The following LSAMP variants were observed in gnomAD, a reference collection of about 807,000 sequenced individuals.
The protein encoded by LSAMP is limbic system-associated membrane protein.
LSAMP carries 7 observed loss-of-function variants against 38.6 expected under a neutral mutation model. The ratio of observed to expected loss-of-function variants is 0.18; its 90% CI spans 0.10 to 0.34. LSAMP has a LOEUF of 0.34. Ranked by LOEUF, LSAMP falls within the 10% of genes least tolerant of loss-of-function variation. The probability of loss-of-function intolerance (pLI) is 1.00; values close to 1 mark genes in which losing one functional copy is unlikely to be tolerated. For missense variants in LSAMP, 313 were observed against 420.0 expected (o/e 0.75, Z 2.23); for synonymous variants, 154 against 166.8 (o/e 0.92, Z 0.59).
chr3:116,408,272 A>G (rs1235749240), intron 1 of LSAMP, among the ~76,000 whole-genome samples: 1 of 152,120 alleles, frequency 6.6e-6, no homozygotes, highest in African/African-American at 2.4e-5. Flanking sequence ...ATAAATGGAT[A>G]GATGAGACAT....
chr3:116,249,064 G>A (rs1021401952), intron 1 of LSAMP, among the ~76,000 whole-genome samples: 5 of 151,594 alleles, frequency 3.3e-5, no homozygotes, highest in African/African-American at 1.2e-4. Flanking sequence ...CAGGAGAATG[G>A]CGTGAACCCA....
At chr3:116,057,953 A>C (rs1339262158) in intron 2 of LSAMP, among the ~76,000 whole-genome samples, 1 of 108,450 alleles carries the variant, frequency 9.2e-6, no homozygotes, top group East Asian at 2.4e-4. Flanking sequence ...ACACACACAC[A>C]CACCCACACA....
intron 1 of LSAMP, among the ~76,000 whole-genome samples, chr3:116,142,787 A>T (rs1709398894): frequency 6.6e-6 from 1 of 151,886 alleles, no homozygotes; most frequent in South Asian, 2.1e-4. Context: ...GTTTCATCTG[A>T]ATAACAACAA....
At position 116,086,519 on chromosome 3, in the gene LSAMP, A is replaced by G. The variant is rs2107421785; in HGVS notation, c.193T>C (p.Leu65=). The G allele has an allele frequency of 1.9e-6, 3 of 1,614,164 alleles. No individual in the cohort carries two copies. The highest frequency in any genetic ancestry group is 2.5e-6 in the Non-Finnish European group (3 of 1,180,022). ...VEDKNSKVAW[L]NRSGIIFAGH... ...GCAAAAATGATGCCAGAACGGTTCA[A>G]CCAGGCCACCTTTGAGTTCTTGTCT... Residue 65 remains leucine (L), a synonymous_variant, in exon 2 of 7, where the codon TTG becomes CTG. Coordinates refer to ENST00000490035, the MANE Select transcript of LSAMP (RefSeq NM_002338.5).
At chr3:115,864,048 G>A (rs1935788267) in intron 3 of LSAMP, among the ~76,000 whole-genome samples, 1 of 152,102 alleles carries the variant, frequency 6.6e-6, no homozygotes, top group Non-Finnish European at 1.5e-5. Context: ...CCTACCTCCT[G>A]TACTGTTCAA....
At chr3:116,235,795 T>C (rs1359969191) in intron 1 of LSAMP, among the ~76,000 whole-genome samples, 1 of 152,200 alleles carries the variant, frequency 6.6e-6, no homozygotes, top group Non-Finnish European at 1.5e-5. Context: ...ACTTCTATAT[T>C]CTGTTCTTAC....
chr3:116,105,437 T>A (rs868337396), intron 1 of LSAMP, among the ~76,000 whole-genome samples: 3 of 151,930 alleles, frequency 2.0e-5, no homozygotes, highest in African/African-American at 7.3e-5. Flanking sequence ...TGGGTGCAGG[T>A]GGGCTGAGTC....
At chr3:115,965,554 T>C (rs1016095536) in intron 3 of LSAMP, among the ~76,000 whole-genome samples, 1 of 149,620 alleles carries the variant, frequency 6.7e-6, no homozygotes, top group Non-Finnish European at 1.5e-5. Flanking sequence ...CATCAAACAG[T>C]AATTGAAAAA....
intron 1 of LSAMP, among the ~76,000 whole-genome samples, chr3:116,119,099 C>A (rs1278059637): frequency 2.6e-5 from 4 of 152,042 alleles, no homozygotes; most frequent in Admixed American, 6.6e-5. Flanking sequence ...CATTTTATTT[C>A]TATTACAGAG....
intron 4 of LSAMP, among the ~76,000 whole-genome samples, chr3:115,851,721 G>A (rs1178065642): frequency 1.3e-5 from 2 of 152,208 alleles, no homozygotes; most frequent in Non-Finnish European, 2.9e-5. Context: ...ACTAGCCACA[G>A]CTGTGTGATG....
At chr3:116,087,842 G>T (rs1559737657) in intron 1 of LSAMP, among the ~76,000 whole-genome samples, 1 of 151,510 alleles carries the variant, frequency 6.6e-6, no homozygotes, top group African/African-American at 2.4e-5. Flanking sequence ...ATAATACAAA[G>T]ACCTCCTTAT....
chr3:115,927,895 T>C (rs1937520327), intron 3 of LSAMP, among the ~76,000 whole-genome samples: 1 of 152,230 alleles, frequency 6.6e-6, no homozygotes, highest in African/African-American at 2.4e-5. Context: ...TCGAGACCAT[T>C]ACTATGCTCT....
At chr3:116,407,457 A>T (rs2048911653) in intron 1 of LSAMP, among the ~76,000 whole-genome samples, 1 of 152,084 alleles carries the variant, frequency 6.6e-6, no homozygotes, top group Non-Finnish European at 1.5e-5. Flanking sequence ...AGGAACCCCT[A>T]TGCCATTCCC....
chr3:116,268,911 C>A (rs1466020978), intron 1 of LSAMP, among the ~76,000 whole-genome samples: 2 of 151,936 alleles, frequency 1.3e-5, no homozygotes, highest in Admixed American at 1.3e-4. Flanking sequence ...GCAGTCCAAC[C>A]AGATTAAAGA....
chr3:116,359,843 A>T (rs899033121), intron 1 of LSAMP, among the ~76,000 whole-genome samples: 1 of 152,234 alleles, frequency 6.6e-6, no homozygotes, highest in Non-Finnish European at 1.5e-5. Context: ...TGGATTAAAG[A>T]CTAAAATGTG....
intron 6 of LSAMP, among the ~76,000 whole-genome samples, chr3:115,833,870 T>A (rs936818840): frequency 3.9e-5 from 6 of 152,180 alleles, no homozygotes; most frequent in African/African-American, 1.4e-4. Context: ...TATTTGCCAA[T>A]TTCCCTTTAA....
intron 1 of LSAMP, among the ~76,000 whole-genome samples, chr3:116,107,587 C>T (rs1022118712): frequency 1.3e-5 from 2 of 152,126 alleles, no homozygotes; most frequent in South Asian, 2.1e-4. Context: ...ATCAGCAGGG[C>T]GAGCATGTGT....
Position 116,445,104 on chromosome 3 carries a change from C to A in LSAMP, c.-73G>T. On this transcript the variant is annotated 5_prime_UTR_variant, in exon 1 of 7. Coordinates refer to ENST00000490035, the MANE Select transcript of LSAMP (RefSeq NM_002338.5). ...GCGCTGCTCGCGAGGAGAGGCTTCA[C>A]CAACACGGGGCTTTCATCCACAGCG... 5.5e-6 allele frequency: 8 copies of A among 1,467,544 alleles called. No individual in the cohort carries two copies. The highest frequency in any genetic ancestry group is 7.4e-6 in the Non-Finnish European group (8 of 1,079,718). The allele number at this position is 1,467,544 out of a possible 1,614,324, so 90.9% of individuals were successfully genotyped here. A position where few individuals can be genotyped will look rare whatever the true frequency, so the allele number is the denominator to read the frequency against.
chr3:116,318,672 C>T (rs1027019164), intron 1 of LSAMP, among the ~76,000 whole-genome samples: 1 of 152,114 alleles, frequency 6.6e-6, no homozygotes, highest in East Asian at 1.9e-4. Flanking sequence ...CTAATTAACA[C>T]CAATACCCAC....
Sources: gnomAD v4.1 joint callset for allele counts (sites outside exome capture counted in the v4.1 genomes callset) on GRCh38, gnomAD v4.1.1 for gene constraint, MANE v1.5 for transcripts, NCBI Gene and HGNC (gene_info 2026-07-23, HGNC 2026-07-21) for gene names.